The following HNRNPC variants were observed in gnomAD, a reference collection of about 807,000 sequenced individuals.
HNRNPC encodes heterogeneous nuclear ribonucleoproteins C1/C2.
HNRNPC carries 3 observed loss-of-function variants against 33.2 expected under a neutral mutation model. The observed-to-expected ratio is 0.09, with a 90% confidence interval of 0.04 to 0.23. HNRNPC has a LOEUF of 0.23. Ranked by LOEUF, HNRNPC falls within the 10% of genes least tolerant of loss-of-function variation. The pLI, the probability that HNRNPC is intolerant of heterozygous loss-of-function variation, is 1.00. For synonymous variants in HNRNPC, 121 were observed against 126.7 expected (o/e 0.96, Z 0.30); for missense variants, 143 against 366.7 (o/e 0.39, Z 4.98).
chr14:21,254,911 G>A (rs1265414195), intron 2 of HNRNPC, among the ~76,000 whole-genome samples: 4 of 143,518 alleles, frequency 2.8e-5, no homozygotes, highest in Admixed American at 7.2e-5. Context: ...AACAGAGCGA[G>A]ACTCTAGTCT....
intron 5 of HNRNPC, among the ~76,000 whole-genome samples, chr14:21,219,995 T>C (rs1331818391): frequency 6.6e-6 from 1 of 152,144 alleles, no homozygotes; most frequent in Non-Finnish European, 1.5e-5. Flanking sequence ...TCCATCTGCT[T>C]TTCATCACTC....
At chr14:21,234,713 C>G (rs1472227897) in intron 2 of HNRNPC, 1 of 153,454 alleles carries the variant, frequency 6.5e-6, no homozygotes, top group African/African-American at 2.4e-5. Context: ...TAGCAAACGT[C>G]AAATTCTGTC....
intron 5 of HNRNPC, among the ~76,000 whole-genome samples, chr14:21,217,215 G>C (rs758049372): frequency 2.0e-5 from 3 of 152,154 alleles, no homozygotes; most frequent in Non-Finnish European, 4.4e-5. Flanking sequence ...TGGAATTCTT[G>C]ATTTTGTGCT....
intron 5 of HNRNPC, among the ~76,000 whole-genome samples, chr14:21,227,335 A>G (rs560059636): frequency 6.6e-5 from 10 of 152,280 alleles, no homozygotes; most frequent in Non-Finnish European, 1.5e-4. Context: ...CATTTTCCCA[A>G]CAAAGATCTC....
intron 2 of HNRNPC, among the ~76,000 whole-genome samples, chr14:21,255,891 G>T (rs1325025723): frequency 6.6e-6 from 1 of 152,300 alleles, no homozygotes; most frequent in East Asian, 1.9e-4. Context: ...ATCACTAAGG[G>T]GGTAGCTTCT....
chr14:21,216,358 A>G (rs906557504), intron 5 of HNRNPC, among the ~76,000 whole-genome samples: 3 of 152,176 alleles, frequency 2.0e-5, no homozygotes, highest in Non-Finnish European at 4.4e-5. Flanking sequence ...CATTTGGTAC[A>G]TGGACCATTT....
chr14:21,241,257 C>CAAA (rs56033944), intron 2 of HNRNPC, among the ~76,000 whole-genome samples: 35 of 93,936 alleles, frequency 3.7e-4, no homozygotes, highest in South Asian at 6.7e-4. Context: ...GACTATGTCT[C>CAAA]AAAAAAAAAA....
chr14:21,238,286 T>C (rs1017975423), intron 2 of HNRNPC, among the ~76,000 whole-genome samples: 1 of 152,124 alleles, frequency 6.6e-6, no homozygotes, highest in Admixed American at 6.5e-5. Flanking sequence ...CAACTTCAAG[T>C]GATGTGCAAA....
At chr14:21,217,984 C>G (rs1892377850) in intron 5 of HNRNPC, among the ~76,000 whole-genome samples, 2 of 151,994 alleles carry the variant, frequency 1.3e-5, no homozygotes, top group Admixed American at 1.3e-4. Context: ...TTGCTTGAGT[C>G]CTAGATCAAT....
intron 5 of HNRNPC, among the ~76,000 whole-genome samples, chr14:21,224,318 GTTTCA>G (rs1893172526): frequency 6.6e-6 from 1 of 152,018 alleles, no homozygotes; most frequent in South Asian, 2.1e-4. Flanking sequence ...AATTTCAATG[GTTTCA>G]TTTCAACTAA....
chr14:21,251,291 A>T (rs971254774), intron 2 of HNRNPC, among the ~76,000 whole-genome samples: 3 of 138,878 alleles, frequency 2.2e-5, no homozygotes, highest in Non-Finnish European at 4.7e-5. Context: ...AAAAGACTTC[A>T]TTTCCTTGTT....
intron 5 of HNRNPC, among the ~76,000 whole-genome samples, chr14:21,227,947 A>G (rs1456927444): frequency 6.6e-6 from 1 of 152,250 alleles, no homozygotes; most frequent in Non-Finnish European, 1.5e-5. Context: ...ACAGAAACAC[A>G]ACCACGTCCT....
chr14:21,216,674 A>G (rs1216310043), intron 5 of HNRNPC, among the ~76,000 whole-genome samples: 1 of 152,142 alleles, frequency 6.6e-6, no homozygotes, highest in Non-Finnish European at 1.5e-5. Context: ...CCACCACTGC[A>G]CTCCGGCATG....
intron 1 of HNRNPC, among the ~76,000 whole-genome samples, chr14:21,268,011 C>G (rs183886645): frequency 2.6e-5 from 4 of 152,242 alleles, no homozygotes; most frequent in African/African-American, 7.2e-5. Flanking sequence ...GATTGCCTTA[C>G]AGATGAATTT....
At chr14:21,219,358 C>A (rs368651399) in intron 5 of HNRNPC, among the ~76,000 whole-genome samples, 1 of 152,160 alleles carries the variant, frequency 6.6e-6, no homozygotes, top group Non-Finnish European at 1.5e-5. Context: ...AGGAATTATA[C>A]ACCAAAAGGG....
At chr14:21,268,835 T>C (rs1043109311) in intron 1 of HNRNPC, among the ~76,000 whole-genome samples, 1 of 152,198 alleles carries the variant, frequency 6.6e-6, no homozygotes, top group African/African-American at 2.4e-5. Context: ...ACCTTTCTCG[T>C]AGGCCACGCG....
At chr14:21,230,725 A>G (rs759518494) in intron 4 of HNRNPC, 4 of 500,316 alleles carry the variant, frequency 8.0e-6, no homozygotes, top group Non-Finnish European at 1.0e-5. Flanking sequence ...ATTTCAGGTT[A>G]TGCTATAAAT....
intron 2 of HNRNPC, among the ~76,000 whole-genome samples, chr14:21,235,896 G>A (rs1239203524): frequency 1.3e-5 from 2 of 152,012 alleles, no homozygotes; most frequent in Non-Finnish European, 2.9e-5. Context: ...AGCCAACACA[G>A]AATACTGACC....
intron 5 of HNRNPC, among the ~76,000 whole-genome samples, chr14:21,224,636 ATCT>A (rs1893208561): frequency 6.6e-6 from 1 of 152,140 alleles, no homozygotes; most frequent in African/African-American, 2.4e-5. Flanking sequence ...CATTTAACAC[ATCT>A]TTTTTCCTCT....
Sources: gnomAD v4.1 joint callset for allele counts (sites outside exome capture counted in the v4.1 genomes callset) on GRCh38, gnomAD v4.1.1 for gene constraint, MANE v1.5 for transcripts, NCBI Gene and HGNC (gene_info 2026-07-23, HGNC 2026-07-21) for gene names.